The following IRAK3 variants were observed in gnomAD, a reference collection of about 807,000 sequenced individuals.
IRAK3 encodes interleukin-1 receptor-associated kinase 3.
Under a neutral mutation model 56.6 loss-of-function variants are expected in IRAK3, and 57 were observed. That is an observed-to-expected ratio of 1.01 (90% CI 0.81 to 1.26). The LOEUF is 1.26. Ranked by LOEUF, IRAK3 falls within the 50% of genes most tolerant of loss-of-function variation. The pLI, the probability that IRAK3 is intolerant of heterozygous loss-of-function variation, is 0.00. For synonymous variants in IRAK3, 258 were observed against 255.7 expected (o/e 1.01, Z -0.09); for missense variants, 703 against 719.0 (o/e 0.98, Z 0.25).
At chr12:66,199,709 GT>G (rs1340579243) in intron 1 of IRAK3, among the ~76,000 whole-genome samples, 2 of 152,114 alleles carry the variant, frequency 1.3e-5, no homozygotes, top group African/African-American at 4.8e-5. Flanking sequence ...CTCAACAAAT[GT>G]TTGAACTACA....
chr12:66,236,395 CAAA>C lies in IRAK3; in HGVS notation c.887+8046_887+8048del, dbSNP rs56074285. ...GAAACCCCATCTCCACTAAAAATAC[CAAA>C]AAAAAAAAAAAAAAAAAAAATTAAC... On this transcript the variant is annotated intron_variant, in intron 8 of 11. Transcript: ENST00000261233. 2.1e-3 allele frequency among the ~76,000 whole-genome samples: 231 copies of C among 110,364 alleles called. 1 individual carries two copies. Among genetic ancestry groups the C allele is most frequent in the Middle Eastern group, 0.016 (3 of 190 alleles). 72.4% of individuals were successfully genotyped at this position (110,364 alleles called of 152,430 possible).
intron 5 of IRAK3, among the ~76,000 whole-genome samples, chr12:66,215,043 ACTT>A (rs1178070390): frequency 6.6e-6 from 1 of 152,174 alleles, no homozygotes; most frequent in African/African-American, 2.4e-5. Flanking sequence ...ATTTAGTACT[ACTT>A]AATTGTACAT....
chr12:66,203,647 CA>C, intron 1 of IRAK3, 63 bp from the exon 2 acceptor site: 1 of 1,430,478 alleles, frequency 7.0e-7, no homozygotes, highest in Non-Finnish European at 9.8e-7. Context: ...ATTAGGTACA[CA>C]AAAACAAGTA....
intron 2 of IRAK3, among the ~76,000 whole-genome samples, chr12:66,207,913 T>C (rs773050486): frequency 2.6e-5 from 4 of 152,210 alleles, no homozygotes; most frequent in Non-Finnish European, 5.9e-5. Flanking sequence ...TCCTTACACA[T>C]GTATTTGAGG....
Position 66,244,469 on chromosome 12 carries a change from C to G in IRAK3, c.888-17C>G, listed in dbSNP as rs2053005666. On this transcript the variant is annotated splice_polypyrimidine_tract_variant and intron_variant, in intron 8 of 11. Coordinates refer to ENST00000261233, the MANE Select transcript of IRAK3 (RefSeq NM_007199.3). Reference sequence around the variant, plus strand: ...TTTATGATATTTTGTCTTGTTTGTCCCTGATCACAATTTTAGTGCAAACAT... The same window carrying G: ...TTTATGATATTTTGTCTTGTTTGTCGCTGATCACAATTTTAGTGCAAACAT... 6.2e-7 allele frequency: 1 copy of G among 1,604,830 alleles called. No individual in the cohort carries two copies. Among genetic ancestry groups the G allele is most frequent in the African/African-American group, 1.3e-5 (1 of 74,636 alleles).
intron 11 of IRAK3, among the ~76,000 whole-genome samples, chr12:66,245,874 A>T (rs560849331): frequency 1.3e-3 from 201 of 152,138 alleles, no homozygotes; most frequent in African/African-American, 4.7e-3. Flanking sequence ...AAATTTATTA[A>T]TCTATCCATA....
At position 66,247,632 on chromosome 12, in the gene IRAK3, T is replaced by C. The variant is rs1420010595; in HGVS notation, c.1315-63T>C. 4.0e-5 allele frequency: 41 copies of C among 1,030,946 alleles called. 1 individual carries two copies. In the Admixed American group the frequency reaches 7.0e-4, roughly 18 times the overall value. 63.9% of individuals were successfully genotyped at this position (1,030,946 alleles called of 1,614,324 possible). On this transcript the variant is annotated intron_variant, in intron 11 of 11. Coordinates refer to ENST00000261233, the MANE Select transcript of IRAK3 (RefSeq NM_007199.3). ...AGAATATTCTTTATAGGTAGAGTGA[T>C]AAAAGGTAAAAGGAAAGATTATTCA...
Position 66,251,344 on chromosome 12 carries a change from A to G in IRAK3, c.*3173A>G, listed in dbSNP as rs750006545. 2.0e-5 allele frequency: 3 copies of G among 152,178 alleles called. 1 individual carries two copies. The South Asian group carries it at 6.2e-4, about 31-fold the overall frequency. The allele number at this position is 152,178 out of a possible 1,614,324, so 9.4% of individuals were successfully genotyped here. ...TATGAATTAAATGTTGCAACTTTCT[A>G]TGGGTAATAAGAGGATACCTTTATA... On this transcript the variant is annotated 3_prime_UTR_variant, in exon 12 of 12. Transcript: ENST00000261233.
In IRAK3 at chr12:66,247,947, C is replaced by T; in HGVS notation, c.1567C>T (p.Pro523Ser). Residue 523 changes from proline (P) to serine (S), a missense_variant, in exon 12 of 12, where the codon CCA becomes TCA. Pro to Ser is a moderately conservative substitution (Grantham distance 74). Transcript: ENST00000261233. The stretch of plus-strand genomic sequence containing the variant: ...TATGTTTCTGAGCTTGGACAAAAAG[C>T]CAGAGAGCAAGAGAAATGAGGAAGC... ...EVMFLSLDKK[P>S]ESKRNEEACN... The T allele has an allele frequency of 6.2e-7, 1 of 1,613,646 alleles. No homozygotes were observed. Among genetic ancestry groups the T allele is most frequent in the Non-Finnish European group, 8.5e-7 (1 of 1,179,900 alleles).
intron 6 of IRAK3, among the ~76,000 whole-genome samples, chr12:66,223,737 G>A (rs1213889447): frequency 2.7e-5 from 4 of 149,102 alleles, no homozygotes; most frequent in South Asian, 2.1e-4. Context: ...TTTTTGAGAC[G>A]GAGTCTTGCT....
rs900317172 is a variant in IRAK3, at chr12:66,250,399, T to C, written c.*2228T>C. On this transcript the variant is annotated 3_prime_UTR_variant, in exon 12 of 12. Coordinates refer to ENST00000261233, the MANE Select transcript of IRAK3 (RefSeq NM_007199.3). The stretch of plus-strand genomic sequence containing the variant: ...AAATCATCAGGAATCAGGGTGAGAT[T>C]AACAGACCAAGGTCAGAAACATGGA... 6.6e-6 allele frequency: 1 copy of C among 152,148 alleles called. No homozygotes were observed. Among genetic ancestry groups the C allele is most frequent in the Non-Finnish European group, 1.5e-5 (1 of 68,030 alleles). 9.4% of individuals were successfully genotyped at this position (152,148 alleles called of 1,614,324 possible). A position where few individuals can be genotyped will look rare whatever the true frequency, so the allele number is the denominator to read the frequency against.
intron 8 of IRAK3, among the ~76,000 whole-genome samples, chr12:66,237,422 T>G (rs2052919631): frequency 6.6e-6 from 1 of 152,148 alleles, no homozygotes; most frequent in African/African-American, 2.4e-5. Flanking sequence ...GCCGCTGGAA[T>G]TATCTATATA....
At chr12:66,198,643 A>G (rs1369502717) in intron 1 of IRAK3, among the ~76,000 whole-genome samples, 2 of 152,208 alleles carry the variant, frequency 1.3e-5, no homozygotes, top group African/African-American at 2.4e-5. Context: ...CTTACAAAAG[A>G]AAAATGAAGA....
chr12:66,229,632 A>T (rs369985637), intron 8 of IRAK3, among the ~76,000 whole-genome samples: 2 of 152,162 alleles, frequency 1.3e-5, no homozygotes, highest in African/African-American at 4.8e-5. Context: ...GCAACTGCTA[A>T]TGGCTTTGTA....
Position 66,189,367 on chromosome 12 carries a change from C to T in IRAK3, c.68C>T (p.Ala23Val), listed in dbSNP as rs769994274. ...ACGCTGCTGTTCGACCTGCCGCCCG[C>T]GCTGCTCGGAGAGCTCTGCGCTGTT... ...AHTLLFDLPPALLGELCAVLD... is the reference protein window; with the variant it reads ...AHTLLFDLPPVLLGELCAVLD... The change falls in exon 1 of 12, where the codon GCG becomes GTG. Residue 23 changes from alanine to valine, a missense_variant. Coordinates refer to ENST00000261233, the MANE Select transcript of IRAK3 (RefSeq NM_007199.3). 6 of 1,530,216 alleles carry T rather than the reference C, an allele frequency of 3.9e-6. No homozygotes were observed. The highest frequency in any genetic ancestry group is 3.9e-5 in the Admixed American group (2 of 50,808). 94.8% of individuals were successfully genotyped at this position (1,530,216 alleles called of 1,614,324 possible).
In IRAK3 at chr12:66,245,106, C is replaced by T. The variant is rs142895705; in HGVS notation, c.1158C>T (p.Leu386=). ...TCTCCCTCTCTTCCAAGCGGGATCTCCTTAGAGAATTGATGGAGAAGAGAG... is the reference window on the plus strand; with the variant it reads ...TCTCCCTCTCTTCCAAGCGGGATCTTCTTAGAGAATTGATGGAGAAGAGAG... ...DDPKHIQLRD[L]LRELMEKRGL... is the part of the protein sequence containing the mutation. The change falls in exon 11 of 12, where the codon CTC becomes CTT. Residue 386 remains leucine (L), a synonymous_variant. Transcript: ENST00000261233. 1.9e-6 allele frequency: 3 copies of T among 1,614,140 alleles called. No homozygotes were observed. The highest frequency in any genetic ancestry group is 2.5e-6 in the Non-Finnish European group (3 of 1,180,022).
chr12:66,232,635 T>C (rs2052855401), intron 8 of IRAK3, among the ~76,000 whole-genome samples: 2 of 152,214 alleles, frequency 1.3e-5, no homozygotes, highest in Non-Finnish European at 2.9e-5. Flanking sequence ...AATCCTCCAC[T>C]GTGCTCTAAA....
chr12:66,191,615 G>A (rs887531929), intron 1 of IRAK3, among the ~76,000 whole-genome samples: 2 of 152,194 alleles, frequency 1.3e-5, no homozygotes, highest in African/African-American at 4.8e-5. Flanking sequence ...ACCAGGTGCT[G>A]CACAAGTTCT....
At position 66,244,584 on chromosome 12, in the gene IRAK3, A is replaced by G; in HGVS notation, c.986A>G (p.Asn329Ser). ...SHLEHQSCTI[N>S]MTSSSSKHLW... is the part of the protein sequence containing the mutation. ...CTAGAACATCAGAGTTGTACCATAA[A>G]TATGACCAGCAGCAGCAGTAAACAT... Residue 329 changes from asparagine to serine, a missense_variant, in exon 9 of 12, where the codon AAT becomes AGT. By Grantham distance (46) the Asn-to-Ser change is conservative. Transcript: ENST00000261233. The G allele has an allele frequency of 6.2e-7, 1 of 1,614,096 alleles. No individual in the cohort carries two copies. Among genetic ancestry groups the G allele is most frequent in the Non-Finnish European group, 8.5e-7 (1 of 1,179,958 alleles).
Sources: allele counts gnomAD v4.1 joint callset (sites outside exome capture counted in the v4.1 genomes callset), GRCh38; gene constraint gnomAD v4.1.1; transcripts MANE v1.5; gene names NCBI Gene and HGNC (gene_info 2026-07-23, HGNC 2026-07-21).